MIB1: variants seen among roughly 807,000 people sequenced by gnomAD.
The protein encoded by MIB1 is MIB E3 ubiquitin protein ligase 1.
MIB1 carries 278 observed loss-of-function variants against 124.5 expected under a neutral mutation model. The ratio of observed to expected loss-of-function variants is 2.23; its 90% CI spans 2.02 to 2.47. The LOEUF is 2.47. Ranked by LOEUF, MIB1 falls within the 30% of genes most tolerant of loss-of-function variation. The probability of loss-of-function intolerance (pLI) is 0.00; values close to 1 mark genes in which losing one functional copy is unlikely to be tolerated. For synonymous variants in MIB1, 446 were observed against 429.4 expected (o/e 1.04, Z -0.48); for missense variants, 957 against 1,254.4 (o/e 0.76, Z 3.58).
At chr18:21,757,502 T>G (rs940807993) in intron 1 of MIB1, among the ~76,000 whole-genome samples, 9 of 144,602 alleles carry the variant, frequency 6.2e-5, no homozygotes, top group Admixed American at 1.4e-4. Context: ...TTTTTTTTTT[T>G]GGGACAGGGT....
chr18:21,870,356 A>G lies in MIB1; in HGVS notation c.*5690A>G, dbSNP rs2042346723. Reference sequence around the variant, plus strand: ...CAATTCAGCATAAGTGTCCACATCTAGAAGGCTCTCATTGCAGTTGTTTAC... The same window carrying G: ...CAATTCAGCATAAGTGTCCACATCTGGAAGGCTCTCATTGCAGTTGTTTAC... On this transcript the variant is annotated 3_prime_UTR_variant, in exon 21 of 21. Coordinates refer to ENST00000261537, the MANE Select transcript of MIB1 (RefSeq NM_020774.4). 1.3e-5 allele frequency: 2 copies of G among 152,182 alleles called. No individual in the cohort carries two copies. The highest frequency in any genetic ancestry group is 4.1e-4 in the South Asian group (2 of 4,826). 9.4% of individuals were successfully genotyped at this position (152,182 alleles called of 1,614,324 possible).
In MIB1 at chr18:21,741,718, C is replaced by G; in HGVS notation, c.135C>G (p.Pro45=). Reference sequence around the variant, plus strand: ...GCACCGTCCGGAGCTTCGAGAGCCCCGAGGAGGTGGTGGTAGTGTGGGACA... The same window carrying G: ...GCACCGTCCGGAGCTTCGAGAGCCCGGAGGAGGTGGTGGTAGTGTGGGACA... ...HVGTVRSFES[P]EEVVVVWDNG... The change falls in exon 1 of 21, where the codon CCC becomes CCG. Residue 45 remains proline, a synonymous_variant. Transcript: ENST00000261537. This position sits in a 1 kb window ranked among gnomAD's most constrained non-coding sequence, Gnocchi z 5.4. The G allele has an allele frequency of 1.9e-6, 3 of 1,611,546 alleles. No individual in the cohort carries two copies. Among genetic ancestry groups the G allele is most frequent in the Non-Finnish European group, 2.5e-6 (3 of 1,179,396 alleles).
chr18:21,708,057 A>C (rs975647110), intron 1 of MIB1, among the ~76,000 whole-genome samples: 7 of 152,076 alleles, frequency 4.6e-5, no homozygotes, highest in Admixed American at 2.6e-4. Flanking sequence ...ATCTCGCCTA[A>C]ACCTAACTAC....
At position 21,772,604 on chromosome 18, in the gene MIB1, T is replaced by C. The variant is rs191475081; in HGVS notation, c.532-1020T>C. Among the ~76,000 whole-genome samples the C allele has an allele frequency of 5.0e-3, 765 of 152,320 alleles. 5 individuals carry two copies. Among genetic ancestry groups the C allele is most frequent in the Admixed American group, 0.011 (168 of 15,298 alleles). On this transcript the variant is annotated intron_variant, in intron 3 of 20. Transcript: ENST00000261537. ...AAAATTTGAAATCTAAAACATTTCT[T>C]GTCCTAAGCATTTCAGATAAGTAAA...
intron 9 of MIB1, among the ~76,000 whole-genome samples, chr18:21,803,180 C>A (rs888642323): frequency 2.6e-5 from 4 of 151,986 alleles, no homozygotes; most frequent in Non-Finnish European, 5.9e-5. Context: ...TGGATTTTTA[C>A]CTTTTAAATT....
At chr18:21,726,507 T>G (rs921130083) in intron 1 of MIB1, among the ~76,000 whole-genome samples, 8 of 152,200 alleles carry the variant, frequency 5.3e-5, no homozygotes, top group African/African-American at 1.9e-4. Flanking sequence ...ATCTGCCTTG[T>G]CTCCTCTTTG....
intron 1 of MIB1, among the ~76,000 whole-genome samples, chr18:21,759,712 G>A (rs993943133): frequency 4.6e-5 from 7 of 151,990 alleles, no homozygotes; most frequent in African/African-American, 1.7e-4. Context: ...GCTATTATAC[G>A]AAGTGATAAT....
At chr18:21,804,479 T>C (rs567073866) in intron 10 of MIB1, among the ~76,000 whole-genome samples, 1 of 152,248 alleles carries the variant, frequency 6.6e-6, no homozygotes, top group African/African-American at 2.4e-5. Flanking sequence ...AATGCATGTT[T>C]ATCACCATAT....
intron 6 of MIB1, among the ~76,000 whole-genome samples, chr18:21,781,981 C>T (rs1464331687): frequency 2.0e-5 from 3 of 151,926 alleles, no homozygotes; most frequent in African/African-American, 7.3e-5. Context: ...TTGATATTTT[C>T]TCTTTTTATT....
rs541633248 is a variant in MIB1 at position 21,744,722 on chromosome 18, A to G, written c.229+2910A>G. 3.9e-5 allele frequency among the ~76,000 whole-genome samples: 6 copies of G among 152,308 alleles called. No homozygotes were observed. The South Asian group carries it at 8.3e-4, about 21-fold the overall frequency. On this transcript the variant is annotated intron_variant, in intron 1 of 20. Transcript: ENST00000261537. ...ATTATGTATTTTCGGCAAGAATATC[A>G]TAGAAATGATGTTTTGCCCTTGTTA... is the stretch of plus-strand genomic sequence containing the variant.
Position 21,768,714 on chromosome 18 carries a change from T to C in MIB1, c.493T>C (p.Trp165Arg). ...AGTGGTGCGAGGAGTGGACTGGCAG[T>C]GGGAAGATCAAGATGGAGGAAATGG... ...ARVVRGVDWQ[W>R]EDQDGGNGRR... Residue 165 changes from tryptophan to arginine, a missense_variant, in exon 3 of 21, where the codon TGG becomes CGG. By Grantham distance (101) the Trp-to-Arg change is moderately radical (BLOSUM62 -3). Coordinates refer to ENST00000261537, the MANE Select transcript of MIB1 (RefSeq NM_020774.4). 6.2e-7 allele frequency: 1 copy of C among 1,611,194 alleles called. No individual in the cohort carries two copies. The highest frequency in any genetic ancestry group is 8.5e-7 in the Non-Finnish European group (1 of 1,178,570).
chr18:21,729,121 C>T (rs1251213004), intron 1 of MIB1, among the ~76,000 whole-genome samples: 2 of 152,192 alleles, frequency 1.3e-5, no homozygotes, highest in African/African-American at 2.4e-5. Flanking sequence ...TCTCAGACAG[C>T]CCACTCAATG....
At position 21,741,424 on chromosome 18, in the gene MIB1, C is replaced by T; in HGVS notation, c.-160C>T. The T allele has an allele frequency of 3.2e-6, 1 of 316,676 alleles. No individual in the cohort carries two copies. The highest frequency in any genetic ancestry group is 1.5e-4 in the South Asian group (1 of 6,796). The allele number at this position is 316,676 out of a possible 1,614,324, so 19.6% of individuals were successfully genotyped here. A position where few individuals can be genotyped will look rare whatever the true frequency, so the allele number is the denominator to read the frequency against. ...GCAGCGGCTTTGGGCTCCGCGGGGA[C>T]CGCGCCGCCGCCCCCGTGAGTTATT... On this transcript the variant is annotated 5_prime_UTR_variant, in exon 1 of 21. Transcript: ENST00000261537. This position sits in a 1 kb window ranked among gnomAD's most constrained non-coding sequence, Gnocchi z 5.4.
chr18:21,801,749 A>G (rs1027514694), intron 9 of MIB1, among the ~76,000 whole-genome samples: 2 of 152,000 alleles, frequency 1.3e-5, no homozygotes, highest in Non-Finnish European at 2.9e-5. Flanking sequence ...ATTGCTCGAG[A>G]CATTTAGGTA....
intron 1 of MIB1, among the ~76,000 whole-genome samples, chr18:21,720,738 C>T (rs1311789310): frequency 6.6e-6 from 1 of 152,014 alleles, no homozygotes; most frequent in Non-Finnish European, 1.5e-5. Context: ...TGCTTGAGGC[C>T]AAGAGTTTGA....
intron 3 of MIB1, among the ~76,000 whole-genome samples, chr18:21,771,825 T>G (rs1275660713): frequency 6.6e-6 from 1 of 151,112 alleles, no homozygotes; most frequent in African/African-American, 2.4e-5. Flanking sequence ...CGAAACCCCA[T>G]CTCTACTTAA....
intron 1 of MIB1, among the ~76,000 whole-genome samples, chr18:21,747,195 GTCTT>G (rs990794799): frequency 2.6e-5 from 4 of 152,148 alleles, no homozygotes; most frequent in Non-Finnish European, 1.5e-5. Context: ...TCTGTAAAAT[GTCTT>G]TCTTATTTTA....
intron 9 of MIB1, among the ~76,000 whole-genome samples, chr18:21,803,295 A>AG (rs2041669577): frequency 6.6e-6 from 1 of 152,192 alleles, no homozygotes; most frequent in South Asian, 2.1e-4. Flanking sequence ...GGGATGTAAA[A>AG]GGGGTAGAAT....
At position 21,796,090 on chromosome 18, in the gene MIB1, A is replaced by G. The variant is rs146564613; in HGVS notation, c.1093-1994A>G. ...CTTCTTTTGAGAAGTGTATGTTCAT[A>G]TCTTTTGCCCACTTTTTGATGGGGT... On this transcript the variant is annotated intron_variant, in intron 7 of 20. Transcript: ENST00000261537. Among the ~76,000 whole-genome samples, 231 of 151,664 alleles carry G rather than the reference A, an allele frequency of 1.5e-3. 2 individuals carry two copies. Among genetic ancestry groups the G allele is most frequent in the African/African-American group, 5.4e-3 (222 of 41,306 alleles).
Sources: gnomAD v4.1 joint callset for allele counts (sites outside exome capture counted in the v4.1 genomes callset) on GRCh38, gnomAD v4.1.1 for gene constraint, Gnocchi (gnomAD v3.1) non-coding constraint, MANE v1.5 for transcripts, NCBI Gene and HGNC (gene_info 2026-07-23, HGNC 2026-07-21) for gene names.